Variants in EPS8L2 observed in about 807,000 individuals in gnomAD.
EPS8L2 encodes the protein epidermal growth factor receptor kinase substrate 8-like protein 2.
In EPS8L2, 81 loss-of-function variants were observed where a neutral mutation model predicts 99.4. The ratio of observed to expected loss-of-function variants is 0.82; its 90% CI spans 0.68 to 0.98. EPS8L2 has a LOEUF of 0.98. Among genes scored for constraint, EPS8L2 ranks in the 50% least tolerant of loss-of-function variants. EPS8L2 has a pLI of 0.00. For missense variants in EPS8L2, 1,155 were observed against 968.8 expected (o/e 1.19, Z -2.55); for synonymous variants, 509 against 407.3 (o/e 1.25, Z -3.01).
At chr11:715,041 G>A (rs1299927737) in intron 4 of EPS8L2, among the ~76,000 whole-genome samples, 1 of 152,128 alleles carries the variant, frequency 6.6e-6, no homozygotes, top group African/African-American at 2.4e-5. Context: ...AGGAGATCAA[G>A]ACCATTCTGG....
chr11:718,670 TTC>T (rs1418974361), intron 4 of EPS8L2, among the ~76,000 whole-genome samples: 2 of 149,048 alleles, frequency 1.3e-5, no homozygotes, highest in African/African-American at 5.0e-5. Flanking sequence ...TTTTTTTAAT[TTC>T]TTTTTTTTTT....
rs1358937805 is a variant in EPS8L2, at chr11:722,349, CTGGGCCAGGGTCTG to C, written c.1060-45_1060-32del. 40 of 1,594,898 alleles carry C rather than the reference CTGGGCCAGGGTCTG, an allele frequency of 2.5e-5. No homozygotes were observed. In the South Asian group the frequency reaches 2.9e-4, roughly 12 times the overall value. On this transcript the variant is annotated intron_variant, in intron 12 of 20. Coordinates refer to ENST00000318562, the MANE Select transcript of EPS8L2 (RefSeq NM_022772.4). ...GCCAGCCTGTGGAGCTACGGGGGTG[CTGGGCCAGGGTCTG>C]TGGGCCTCAGTCCCCTCTGAACCTC...
chr11:711,271 T>C (rs112895717), intron 4 of EPS8L2, among the ~76,000 whole-genome samples: 3 of 133,102 alleles, frequency 2.3e-5, no homozygotes, highest in Non-Finnish European at 4.5e-5. Flanking sequence ...CGTGCGTGCG[T>C]GTGTGTGTGT....
Position 724,726 on chromosome 11 carries a change from G to T in EPS8L2, c.1457G>T (p.Gly486Val), listed in dbSNP as rs1201233215. The change falls in exon 16 of 21, where the codon GGC becomes GTC. Residue 486 changes from glycine to valine, a missense_variant and splice_region_variant. Physicochemically the swap from Gly to Val is moderately radical, Grantham distance 109. Transcript: ENST00000318562. This position sits in a 1 kb window ranked among gnomAD's most constrained non-coding sequence, Gnocchi z 5.5. Reference protein sequence around the residue: ...PPVSSPHTHRGYQPTPAMAKY... With the variant: ...PPVSSPHTHRVYQPTPAMAKY... ...TCAGCCCCTCCTGTTCCTCACAGGG[G>T]CTACCAGCCAACACCAGCCATGGCC... 2.5e-6 allele frequency: 4 copies of T among 1,612,606 alleles called. No individual in the cohort carries two copies. Among genetic ancestry groups the T allele is most frequent in the Non-Finnish European group, 2.5e-6 (3 of 1,179,428 alleles).
At chr11:715,619 T>G (rs28854267) in intron 4 of EPS8L2, among the ~76,000 whole-genome samples, 3 of 106,580 alleles carry the variant, frequency 2.8e-5, no homozygotes, top group Middle Eastern at 4.5e-3. Context: ...TTTTCTTTTG[T>G]TTTTTTTTTT....
At position 726,611 on chromosome 11, in the gene EPS8L2, G is replaced by C; in HGVS notation, c.1935-8G>C. ...GCGCGGCCCTGACGCCCAACTGCCC[G>C]CCCCCAGGATCGTGGAGAACCTGGG... On this transcript the variant is annotated splice_region_variant and splice_polypyrimidine_tract_variant and intron_variant, in intron 19 of 20. Coordinates refer to ENST00000318562, the MANE Select transcript of EPS8L2 (RefSeq NM_022772.4). The C allele has an allele frequency of 1.3e-6, 2 of 1,543,628 alleles. No homozygotes were observed. Among genetic ancestry groups the C allele is most frequent in the Non-Finnish European group, 1.7e-6 (2 of 1,143,360 alleles).
intron 18 of EPS8L2, 43 bp downstream of exon 18, chr11:726,213 C>G: frequency 3.8e-6 from 6 of 1,575,060 alleles, no homozygotes; most frequent in Non-Finnish European, 5.2e-6. Flanking sequence ...GGCCCAGGGC[C>G]ACCTGGGGGA....
In EPS8L2 at chr11:724,785, C is replaced by G; in HGVS notation, c.1516C>G (p.Arg506Gly). Residue 506 changes from arginine to glycine, a missense_variant, in exon 16 of 21, where the codon CGA (arginine) becomes GGA (glycine). By Grantham distance (125) the Arg-to-Gly change is moderately radical. Coordinates refer to ENST00000318562, the MANE Select transcript of EPS8L2 (RefSeq NM_022772.4). The surrounding 1 kb of genome is among the most constrained non-coding windows in gnomAD (Gnocchi z 5.5). ...YVKILYDFTA[R>G]NANELSVLKD... ...CAAGATCCTGTATGACTTCACAGCCCGAAATGCCAACGAGCTATCGGTGCT... is the reference window on the plus strand; with the variant it reads ...CAAGATCCTGTATGACTTCACAGCCGGAAATGCCAACGAGCTATCGGTGCT... The G allele has an allele frequency of 6.2e-7, 1 of 1,613,600 alleles. No individual in the cohort carries two copies. The highest frequency in any genetic ancestry group is 1.7e-5 in the Admixed American group (1 of 60,020).
At chr11:725,875 C>T (rs781316203) in intron 17 of EPS8L2, 28 bp downstream of exon 17, 2 of 1,330,554 alleles carry the variant, frequency 1.5e-6, no homozygotes, top group Non-Finnish European at 1.9e-6. Context: ...CCTGGGGTCG[C>T]AGCCCCCAGC....
At position 727,061 on chromosome 11, in the gene EPS8L2, AT is replaced by A. The variant is rs1423748712; in HGVS notation, c.*84del. 1 of 1,011,268 alleles carries A rather than the reference AT, an allele frequency of 9.9e-7. No homozygotes were observed. The highest frequency in any genetic ancestry group is 1.6e-5 in the African/African-American group (1 of 62,042). 62.6% of individuals were successfully genotyped at this position (1,011,268 alleles called of 1,614,324 possible). A position where few individuals can be genotyped will look rare whatever the true frequency, so the allele number is the denominator to read the frequency against. ...GAGTATTATTTTTATATGTGTATGTATTTTGTATCAAGGACACGGAGGGGGT... is the reference window on the plus strand; with the variant it reads ...GAGTATTATTTTTATATGTGTATGTATTTGTATCAAGGACACGGAGGGGGT... On this transcript the variant is annotated 3_prime_UTR_variant, in exon 21 of 21. Transcript: ENST00000318562.
rs755550494 is a variant in EPS8L2 at position 721,710 on chromosome 11, G to A, written c.895+19G>A. The A allele has an allele frequency of 1.2e-6, 2 of 1,601,160 alleles. No individual in the cohort carries two copies. Among genetic ancestry groups the A allele is most frequent in the Admixed American group, 3.5e-5 (2 of 57,370 alleles). On this transcript the variant is annotated intron_variant, in intron 10 of 20. Transcript: ENST00000318562. ...CCAGCAGGTGCAGGGGACAGGGACG[G>A]GGCCGGCAGGTGCAGGGGACGGGGC...
rs7483833 is a variant in EPS8L2 at position 721,490 on chromosome 11, T to G, written c.769-75T>G. 2,785 of 1,510,946 alleles carry G rather than the reference T, an allele frequency of 1.8e-3. 97 individuals are homozygous for G. In the East Asian group the frequency reaches 0.062, roughly 33 times the overall value. The allele number at this position is 1,510,946 out of a possible 1,614,324, so 93.6% of individuals were successfully genotyped here. On this transcript the variant is annotated intron_variant, in intron 9 of 20. Coordinates refer to ENST00000318562, the MANE Select transcript of EPS8L2 (RefSeq NM_022772.4). ...GTGGGGCCCAGCTCCTCCCATCATCTGTGGGGCTGTCCCTGCAGCAAGGCG... is the reference window on the plus strand; with the variant it reads ...GTGGGGCCCAGCTCCTCCCATCATCGGTGGGGCTGTCCCTGCAGCAAGGCG...
At chr11:710,331 G>T in intron 3 of EPS8L2, 91 bp from the exon 4 acceptor site, 1 of 1,290,016 alleles carries the variant, frequency 7.8e-7, no homozygotes, top group South Asian at 1.2e-5. Flanking sequence ...CCCTCCGCTT[G>T]ACTCCACCTT....
At chr11:711,255 TGTGTGCGTGCGTGC>T (rs1861882152) in intron 4 of EPS8L2, among the ~76,000 whole-genome samples, 1 of 132,596 alleles carries the variant, frequency 7.5e-6, no homozygotes, top group African/African-American at 2.8e-5. Flanking sequence ...CGTGTGTGCG[TGTGTGCGTGCGTGC>T]GTGTGTGTGT....
At position 724,431 on chromosome 11, in the gene EPS8L2, C is replaced by T. The variant is rs1261741015; in HGVS notation, c.1455-293C>T. 4 of 418,720 alleles carry T rather than the reference C, an allele frequency of 9.6e-6. No homozygotes were observed. Among genetic ancestry groups the T allele is most frequent in the Admixed American group, 3.9e-5 (1 of 25,950 alleles). The allele number at this position is 418,720 out of a possible 1,614,324, so 25.9% of individuals were successfully genotyped here. A position where few individuals can be genotyped will look rare whatever the true frequency, so the allele number is the denominator to read the frequency against. On this transcript the variant is annotated intron_variant, in intron 15 of 20. Transcript: ENST00000318562. This position sits in a 1 kb window ranked among gnomAD's most constrained non-coding sequence, Gnocchi z 5.5. ...CCTGGCTCTGGTTCCCCTGGGGTGC[C>T]GGACTGGAGACCCCTGAGGTGGCCT...
At chr11:714,161 C>T (rs1026125950) in intron 4 of EPS8L2, among the ~76,000 whole-genome samples, 18 of 151,968 alleles carry the variant, frequency 1.2e-4, no homozygotes, top group South Asian at 4.1e-4. Context: ...AGATTTCTTC[C>T]GTGTTTTCTT....
In EPS8L2 at chr11:726,256, GGGGGCA is replaced by G. The variant is rs759662257; in HGVS notation, c.1754-41_1754-36del. On this transcript the variant is annotated intron_variant, in intron 18 of 20. Transcript: ENST00000318562. ...TGGGGGGGGTCCCTGGGCCGGGGGC[GGGGGCA>G]GGGGCAAGGCAGCGGCGGGCCTGAG... 12 of 1,577,412 alleles carry G rather than the reference GGGGGCA, an allele frequency of 7.6e-6. No individual in the cohort carries two copies. In the African/African-American group the frequency reaches 1.2e-4, roughly 16 times the overall value.
chr11:720,333 C>G (rs150327738), intron 5 of EPS8L2, 110 bp downstream of exon 5: 18 of 1,247,032 alleles, frequency 1.4e-5, no homozygotes, highest in Non-Finnish European at 1.9e-5. Context: ...CGGCCATGCC[C>G]TATCATTCTG....
At chr11:709,055 G>C in intron 1 of EPS8L2, 2 of 280,536 alleles carry the variant, frequency 7.1e-6, no homozygotes, top group Non-Finnish European at 1.3e-5. Flanking sequence ...CTTGGAAGGC[G>C]CCTTCTGCCC....
Sources: allele counts gnomAD v4.1 joint callset (sites outside exome capture counted in the v4.1 genomes callset), GRCh38; gene constraint gnomAD v4.1.1; non-coding constraint Gnocchi (gnomAD v3.1); transcripts MANE v1.5; gene names NCBI Gene and HGNC (gene_info 2026-07-23, HGNC 2026-07-21).